Variants in MARCHF1 observed in about 807,000 individuals in gnomAD.
MARCHF1 encodes the protein E3 ubiquitin-protein ligase MARCHF1.
MARCHF1 carries 40 observed loss-of-function variants against 54.2 expected under a neutral mutation model. The ratio of observed to expected loss-of-function variants is 0.74; its 90% CI spans 0.57 to 0.96. The LOEUF (loss-of-function observed/expected upper bound fraction) is 0.96, where lower values mean the gene tolerates loss of function less well. Among genes scored for constraint, MARCHF1 ranks in the 40% least tolerant of loss-of-function variants. The pLI is 0.00. For missense variants in MARCHF1, 586 were observed against 656.5 expected, an observed-to-expected ratio of 0.89 and a Z score of 1.17; for synonymous variants, 236 against 236.3, an observed-to-expected ratio of 1.00 and a Z score of 0.01.
chr4:164,197,782 C>A, intron 1 of MARCHF1: 1 of 1,604,232 alleles, frequency 6.2e-7, no homozygotes, highest in Non-Finnish European at 8.5e-7. Flanking sequence ...AACCCACGGC[C>A]GCACGTTTTA....
intron 7 of MARCHF1, among the ~76,000 whole-genome samples, chr4:163,592,275 T>G (rs982996207): frequency 2.6e-5 from 4 of 152,172 alleles, no homozygotes; most frequent in African/African-American, 9.7e-5. Context: ...ATATGTGATT[T>G]TTTAAAAGTG....
At chr4:164,050,275 CAAAAAAAA>C (rs34642436) in intron 2 of MARCHF1, among the ~76,000 whole-genome samples, 82 of 40,196 alleles carry the variant, frequency 2.0e-3, no homozygotes, top group African/African-American at 7.1e-3. Context: ...ACACTGTCTC[CAAAAAAAA>C]AAAAAAAAAA....
chr4:164,274,178 A>G (rs1479449754), intron 1 of MARCHF1, among the ~76,000 whole-genome samples: 13 of 152,202 alleles, frequency 8.5e-5, no homozygotes, highest in Non-Finnish European at 1.9e-4. Flanking sequence ...TGTCTTGTCT[A>G]TTCAGGTTCT....
chr4:164,243,705 G>T (rs1232366658), intron 1 of MARCHF1, among the ~76,000 whole-genome samples: 2 of 152,268 alleles, frequency 1.3e-5, no homozygotes, highest in East Asian at 3.9e-4. Context: ...GCTGTATTCA[G>T]GAAACCCATC....
At chr4:163,664,650 A>T (rs1743467954) in intron 5 of MARCHF1, among the ~76,000 whole-genome samples, 2 of 152,128 alleles carry the variant, frequency 1.3e-5, no homozygotes, top group African/African-American at 4.8e-5. Context: ...TTGTATCTGT[A>T]GGGTCAATTT....
chr4:163,625,247 G>A (rs965986051), intron 5 of MARCHF1, among the ~76,000 whole-genome samples: 1 of 152,116 alleles, frequency 6.6e-6, no homozygotes, highest in Non-Finnish European at 1.5e-5. Context: ...TTAACTGCAT[G>A]GGCCCTTTTC....
At chr4:164,331,851 CAAT>C (rs1301429598) in intron 1 of MARCHF1, among the ~76,000 whole-genome samples, 12 of 152,072 alleles carry the variant, frequency 7.9e-5, no homozygotes, top group Admixed American at 5.2e-4. Flanking sequence ...CAAATATATA[CAAT>C]AACAGAGAAG....
At chr4:163,531,713 A>G (rs1048687352) in intron 9 of MARCHF1, among the ~76,000 whole-genome samples, 2 of 151,816 alleles carry the variant, frequency 1.3e-5, no homozygotes, top group African/African-American at 4.8e-5. Context: ...TTTTTTTTAA[A>G]TAGGTGATTA....
chr4:163,535,158 A>G (rs1247583906), intron 9 of MARCHF1, among the ~76,000 whole-genome samples: 1 of 152,098 alleles, frequency 6.6e-6, no homozygotes, highest in Non-Finnish European at 1.5e-5. Flanking sequence ...CACTTTTAAC[A>G]TATTCTAGGT....
chr4:164,224,791 C>A (rs941945486), intron 1 of MARCHF1, among the ~76,000 whole-genome samples: 117 of 151,902 alleles, frequency 7.7e-4, no homozygotes, highest in African/African-American at 2.8e-3. Context: ...CTTTAGAAAG[C>A]AACATATAAA....
intron 1 of MARCHF1, among the ~76,000 whole-genome samples, chr4:164,210,667 T>G (rs144684709): frequency 1.7e-4 from 26 of 152,200 alleles, no homozygotes; most frequent in Non-Finnish European, 2.4e-4. Context: ...GTTAAGGACC[T>G]CAATATGTAG....
chr4:164,184,414 T>C (rs771870469), intron 1 of MARCHF1, among the ~76,000 whole-genome samples: 4 of 152,200 alleles, frequency 2.6e-5, no homozygotes, highest in Non-Finnish European at 5.9e-5. Flanking sequence ...CACTTTTAGC[T>C]TCCACATTGA....
chr4:164,026,333 C>G (rs1364664457), intron 2 of MARCHF1, among the ~76,000 whole-genome samples: 1 of 152,052 alleles, frequency 6.6e-6, no homozygotes, highest in African/African-American at 2.4e-5. Flanking sequence ...CATAATCCCT[C>G]AAGAAAATAT....
intron 3 of MARCHF1, among the ~76,000 whole-genome samples, chr4:163,892,802 A>G (rs1336108980): frequency 6.6e-6 from 1 of 152,112 alleles, no homozygotes; most frequent in African/African-American, 2.4e-5. Context: ...GCTAGTAGGA[A>G]AGTGCTAGTT....
intron 3 of MARCHF1, among the ~76,000 whole-genome samples, chr4:163,867,611 C>G (rs1327866467): frequency 6.6e-6 from 1 of 151,790 alleles, no homozygotes; most frequent in Admixed American, 6.6e-5. Context: ...CAGATACTGA[C>G]TACCAAGGCT....
intron 4 of MARCHF1, among the ~76,000 whole-genome samples, chr4:163,846,861 G>T (rs546916802): frequency 3.3e-5 from 5 of 152,194 alleles, no homozygotes; most frequent in South Asian, 2.1e-4. Context: ...CTCTGCTCAA[G>T]GAATATAATA....
At chr4:163,577,632 CAAGATT>C (rs2110788083) in intron 8 of MARCHF1, among the ~76,000 whole-genome samples, 1 of 152,144 alleles carries the variant, frequency 6.6e-6, no homozygotes, top group African/African-American at 2.4e-5. Flanking sequence ...ACCCCTCTAG[CAAGATT>C]AGGGGAATTT....
At chr4:163,606,773 T>C (rs544282858) in intron 7 of MARCHF1, among the ~76,000 whole-genome samples, 50 of 152,158 alleles carry the variant, frequency 3.3e-4, no homozygotes, top group Admixed American at 9.8e-4. Context: ...TCCCAATTCA[T>C]AAGATTTGGA....
At chr4:164,226,629 G>A (rs1732262544) in intron 1 of MARCHF1, among the ~76,000 whole-genome samples, 1 of 151,964 alleles carries the variant, frequency 6.6e-6, no homozygotes, top group Non-Finnish European at 1.5e-5. Context: ...GTTTATATGT[G>A]TATGTTTATG....
Sources: allele counts gnomAD v4.1 joint callset (sites outside exome capture counted in the v4.1 genomes callset), GRCh38; gene constraint gnomAD v4.1.1; transcripts MANE v1.5; gene names NCBI Gene and HGNC (gene_info 2026-07-23, HGNC 2026-07-21).